The following C5orf63 variants were observed in gnomAD, a reference collection of about 807,000 sequenced individuals.
C5orf63 encodes the protein glutaredoxin-like protein C5orf63.
A neutral mutation model predicts 13.3 loss-of-function variants in C5orf63; 18 were observed. The observed-to-expected ratio is 1.36, with a 90% confidence interval of 0.94 to 2.01. C5orf63 has a LOEUF of 2.01. Among genes scored for constraint, C5orf63 ranks in the 30% most tolerant of loss-of-function variants. The pLI is 0.00. For synonymous variants in C5orf63, 38 were observed against 44.7 expected, an observed-to-expected ratio of 0.85 and a Z score of 0.60; for missense variants, 118 against 127.7, an observed-to-expected ratio of 0.92 and a Z score of 0.36.
chr5:127,073,063 G>A (rs928642012), intron 1 of C5orf63: 1 of 152,226 alleles, frequency 6.6e-6, no homozygotes, highest in African/African-American at 2.4e-5. Context: ...AGTCAGCTCA[G>A]CGGGCTCCCA....
intron 1 of C5orf63, chr5:127,071,920 G>A (rs1384159853): frequency 3.9e-5 from 6 of 152,180 alleles, no homozygotes; most frequent in African/African-American, 1.4e-4. Flanking sequence ...GTACTTTAGA[G>A]CCAGGCATCT....
chr5:127,072,685 T>C (rs966300735), intron 1 of C5orf63, among the ~76,000 whole-genome samples: 3 of 152,170 alleles, frequency 2.0e-5, no homozygotes, highest in African/African-American at 7.2e-5. Context: ...ATATACACTA[T>C]TTATTAATAA....
chr5:127,059,732 A>C (rs1160644988), intron 2 of C5orf63, among the ~76,000 whole-genome samples: 1 of 150,420 alleles, frequency 6.6e-6, no homozygotes, highest in African/African-American at 2.5e-5. Context: ...TTATCTCAAA[A>C]AAAAAAAAAA....
intron 3 of C5orf63, 130 bp downstream of exon 3, chr5:127,058,752 T>C: frequency 1.6e-6 from 1 of 624,764 alleles, no homozygotes. Context: ...GTTGCTGCTG[T>C]TGTGCTGATA....
chr5:127,052,780 G>A (rs1753727785), intron 3 of C5orf63, 111 bp from the exon 4 acceptor site: 3 of 698,468 alleles, frequency 4.3e-6, no homozygotes, highest in Non-Finnish European at 2.0e-6. Context: ...TTATTTTAAA[G>A]AATAGTTTTC....
At chr5:127,049,308 T>C (rs552234434), downstream of C5orf63, among the ~76,000 whole-genome samples, 2 of 152,256 alleles carry the variant, frequency 1.3e-5, no homozygotes, top group East Asian at 3.9e-4. Flanking sequence ...TCCCCTTTAC[T>C]CCAGCCACAC....
rs145318238 is a variant in C5orf63 at position 127,046,276 on chromosome 5, A to C, written c.*1394T>G. The C allele has an allele frequency of 1.5e-3, 222 of 152,370 alleles. 1 individual carries two copies. The highest frequency in any genetic ancestry group is 5.2e-3 in the African/African-American group (217 of 41,580). 9.4% of individuals were successfully genotyped at this position (152,370 alleles called of 1,614,324 possible). A position where few individuals can be genotyped will look rare whatever the true frequency, so the allele number is the denominator to read the frequency against. ...GAATAAAAAGTATCAGAATTCACCCAGTAGTGTAAGCAAGAAAACTGGGAG... is the reference window on the plus strand; with the variant it reads ...GAATAAAAAGTATCAGAATTCACCCCGTAGTGTAAGCAAGAAAACTGGGAG... On this transcript the variant is annotated 3_prime_UTR_variant, in exon 5 of 5. Coordinates refer to the C5orf63 transcript ENST00000535381.
chr5:127,043,572 C>CT (rs1179335375), downstream of C5orf63: 2 of 152,220 alleles, frequency 1.3e-5, no homozygotes, highest in African/African-American at 4.8e-5. Flanking sequence ...TTCTAAATAT[C>CT]TTAATCTCCT....
chr5:127,054,889 A>C (rs1017586527), intron 3 of C5orf63, among the ~76,000 whole-genome samples: 5 of 152,170 alleles, frequency 3.3e-5, no homozygotes, highest in Admixed American at 3.3e-4. Context: ...TTAAGTCTTT[A>C]ATCCATCTTG....
chr5:127,066,359 T>TG lies in C5orf63; in HGVS notation c.-8+5224dup, dbSNP rs546513876. Among the ~76,000 whole-genome samples, 272 of 152,152 alleles carry TG rather than the reference T, an allele frequency of 1.8e-3. 1 individual carries two copies. The highest frequency in any genetic ancestry group is 6.4e-3 in the African/African-American group (266 of 41,514). ...AGCTGCTGTGCGAAGAACAGATTGTTGGGGGGCAAGAGTGGAGCAGGGACG... is the reference window on the plus strand; with the variant it reads ...AGCTGCTGTGCGAAGAACAGATTGTTGGGGGGGCAAGAGTGGAGCAGGGACG... On this transcript the variant is annotated intron_variant, in intron 2 of 4. Coordinates refer to ENST00000296662, the MANE Select transcript of C5orf63 (RefSeq NM_001164478.2).
chr5:127,046,431 T>C (rs916530254), downstream of C5orf63: 2 of 152,294 alleles, frequency 1.3e-5, no homozygotes, highest in African/African-American at 4.8e-5. Context: ...TGACTCCCAT[T>C]GCTTTGGTTC....
At chr5:127,042,957 A>G (rs942511744), downstream of C5orf63, 7 of 152,162 alleles carry the variant, frequency 4.6e-5, no homozygotes, top group Non-Finnish European at 1.0e-4. Flanking sequence ...TAGGCTCCAC[A>G]CCAATGACAA....
At chr5:127,044,913 G>C (rs1753488524), downstream of C5orf63, 1 of 152,050 alleles carries the variant, frequency 6.6e-6, no homozygotes, top group South Asian at 2.1e-4. Flanking sequence ...ACCGTGCCCG[G>C]CCGGCTACCT....
chr5:127,072,645 T>C (rs1372762724), intron 1 of C5orf63, among the ~76,000 whole-genome samples: 1 of 152,176 alleles, frequency 6.6e-6, no homozygotes, highest in Non-Finnish European at 1.5e-5. Flanking sequence ...TGGATTTTTT[T>C]TTTAAGGGCA....
chr5:127,047,897 T>G (rs1366013349), downstream of C5orf63: 2 of 701,254 alleles, frequency 2.9e-6, no homozygotes, highest in Non-Finnish European at 5.2e-6. Context: ...CCTGGCAGCT[T>G]CTGATCCTTG....
intron 2 of C5orf63, among the ~76,000 whole-genome samples, chr5:127,067,821 A>G (rs1489039270): frequency 6.6e-6 from 1 of 152,216 alleles, no homozygotes; most frequent in African/African-American, 2.4e-5. Flanking sequence ...TTTTATTGAT[A>G]ATCTTTAAAG....
Position 127,045,946 on chromosome 5 carries a change from C to G in C5orf63, c.*1724G>C, listed in dbSNP as rs567303955. 9 of 152,322 alleles carry G rather than the reference C, an allele frequency of 5.9e-5. No individual in the cohort carries two copies. The East Asian group carries it at 1.7e-3, about 29-fold the overall frequency. 9.4% of individuals were successfully genotyped at this position (152,322 alleles called of 1,614,324 possible). A position where few individuals can be genotyped will look rare whatever the true frequency, so the allele number is the denominator to read the frequency against. On this transcript the variant is annotated 3_prime_UTR_variant, in exon 5 of 5. Coordinates refer to the C5orf63 transcript ENST00000535381. ...GGATGAGCTTCTCCCATTCCTAGTT[C>G]CACCACCACTCTCTCATTTTCCTTC...
At chr5:127,043,698 C>CTT (rs1156376524), downstream of C5orf63, 1 of 152,194 alleles carries the variant, frequency 6.6e-6, no homozygotes, top group Non-Finnish European at 1.5e-5. Context: ...TTCCCAACTT[C>CTT]TGACATCTCT....
intron 1 of C5orf63, 57 bp from the exon 2 acceptor site, chr5:127,071,742 C>G (rs2126905650): frequency 6.6e-6 from 1 of 152,306 alleles, no homozygotes; most frequent in African/African-American, 2.4e-5. Context: ...AAACACCTCG[C>G]TACTTGTACC....
Sources: allele counts gnomAD v4.1 joint callset (sites outside exome capture counted in the v4.1 genomes callset), GRCh38; gene constraint gnomAD v4.1.1; transcripts MANE v1.5; gene names NCBI Gene and HGNC (gene_info 2026-07-23, HGNC 2026-07-21).